MACROH2A1: variants seen among roughly 807,000 people sequenced by gnomAD.
The protein encoded by MACROH2A1 is core histone macro-H2A.1.
A neutral mutation model predicts 31.6 loss-of-function variants in MACROH2A1; 2 were observed. The observed-to-expected ratio is 0.06, with a 90% confidence interval of 0.03 to 0.20. The LOEUF (loss-of-function observed/expected upper bound fraction) is 0.20. MACROH2A1 is among the 10% of genes least tolerant of loss of function. The pLI, the probability that MACROH2A1 is intolerant of heterozygous loss-of-function variation, is 1.00. For missense variants in MACROH2A1, 230 were observed against 474.0 expected, an observed-to-expected ratio of 0.49 and a Z score of 4.78; for synonymous variants, 169 against 189.6, an observed-to-expected ratio of 0.89 and a Z score of 0.89.
At chr5:135,379,609 A>C (rs940958641) in intron 2 of MACROH2A1, among the ~76,000 whole-genome samples, 1 of 152,168 alleles carries the variant, frequency 6.6e-6, no homozygotes, top group African/African-American at 2.4e-5. Context: ...TTGACTAGAC[A>C]TAGAAGCCTT....
At chr5:135,376,528 G>A (rs1022676347) in intron 2 of MACROH2A1, among the ~76,000 whole-genome samples, 3 of 152,170 alleles carry the variant, frequency 2.0e-5, no homozygotes, top group African/African-American at 7.2e-5. Context: ...GTTTTCCTCT[G>A]CCTTCCTCAC....
chr5:135,337,966 A>C, intron 8 of MACROH2A1: 9 of 1,215,564 alleles, frequency 7.4e-6, no homozygotes, highest in Non-Finnish European at 9.5e-6. Context: ...CTGCTATGGG[A>C]CTGTGGCTGC....
At chr5:135,341,717 C>T (rs563409731) in intron 8 of MACROH2A1, among the ~76,000 whole-genome samples, 5 of 152,352 alleles carry the variant, frequency 3.3e-5, no homozygotes, top group South Asian at 4.1e-4. Context: ...GGCAAAATCA[C>T]GAGGCCTGCC....
chr5:135,335,196 C>A, intron 8 of MACROH2A1, 55 bp from the exon 9 acceptor site: 2 of 1,371,798 alleles, frequency 1.5e-6, no homozygotes, highest in Non-Finnish European at 2.1e-6. Flanking sequence ...GGCTGCAGGA[C>A]CTGCCCCACC....
At chr5:135,399,739 T>TA (rs1048526420), upstream of MACROH2A1, 3 of 152,282 alleles carry the variant, frequency 2.0e-5, no homozygotes, top group African/African-American at 7.2e-5. This position sits in a 1 kb window ranked among gnomAD's most constrained non-coding sequence, Gnocchi z 4.5. Flanking sequence ...CAAGATCAAT[T>TA]ACTGCGCACC....
intron 2 of MACROH2A1, among the ~76,000 whole-genome samples, chr5:135,381,518 G>C (rs1765647028): frequency 6.6e-6 from 1 of 152,216 alleles, no homozygotes; most frequent in Non-Finnish European, 1.5e-5. Flanking sequence ...AGGAGGCTGA[G>C]GTGGGAGGCT....
At chr5:135,342,656 G>A (rs1446972941) in intron 8 of MACROH2A1, among the ~76,000 whole-genome samples, 1 of 152,176 alleles carries the variant, frequency 6.6e-6, no homozygotes, top group Admixed American at 6.5e-5. Flanking sequence ...AAGTGGAGTA[G>A]GGCCCAGCCC....
intron 5 of MACROH2A1, chr5:135,358,903 C>T: frequency 1.0e-6 from 1 of 985,372 alleles, no homozygotes; most frequent in Non-Finnish European, 1.2e-6. Context: ...TGACATGTTC[C>T]TGGCTCTTGG....
intron 8 of MACROH2A1, 116 bp downstream of exon 8, chr5:135,343,143 TC>T (rs1760196812): frequency 6.3e-7 from 1 of 1,588,446 alleles, no homozygotes; most frequent in African/African-American, 1.3e-5. Flanking sequence ...GCTTCTGGTC[TC>T]CTTGGTTAAG....
At chr5:135,389,174 T>C in intron 1 of MACROH2A1, 48 bp from the exon 2 acceptor site, 3 of 1,429,776 alleles carry the variant, frequency 2.1e-6, no homozygotes, top group South Asian at 2.6e-5. Context: ...GGACAGCACA[T>C]GTCCCCTTTC....
chr5:135,361,051 T>A, intron 4 of MACROH2A1: 1 of 292,494 alleles, frequency 3.4e-6, no homozygotes, highest in Non-Finnish European at 6.6e-6. Context: ...CCTTCCTGAC[T>A]CCAGAAGGTC....
chr5:135,346,614 G>A (rs1760875479), intron 6 of MACROH2A1: 1 of 152,428 alleles, frequency 6.6e-6, no homozygotes, highest in African/African-American at 2.4e-5. Flanking sequence ...CAGCTTTGGT[G>A]TCATATGCAA....
At chr5:135,386,483 T>C (rs1400587900) in intron 2 of MACROH2A1, among the ~76,000 whole-genome samples, 1 of 152,244 alleles carries the variant, frequency 6.6e-6, no homozygotes, top group East Asian at 1.9e-4. Flanking sequence ...TTATTTAATA[T>C]ACAAGAGCTG....
At chr5:135,357,671 A>G (rs1361869920) in intron 5 of MACROH2A1, 1 of 941,440 alleles carries the variant, frequency 1.1e-6, no homozygotes, top group East Asian at 1.2e-4. Flanking sequence ...AAAACCTCTG[A>G]AAAAAGGCTG....
At chr5:135,357,792 G>A in intron 5 of MACROH2A1, 1 of 982,392 alleles carries the variant, frequency 1.0e-6, no homozygotes, top group Non-Finnish European at 1.2e-6. Flanking sequence ...CAAAATCAGA[G>A]AGTAATGGCT....
intron 2 of MACROH2A1, among the ~76,000 whole-genome samples, chr5:135,381,885 A>G (rs1403600007): frequency 6.6e-6 from 1 of 152,246 alleles, no homozygotes. Flanking sequence ...TCTGTGTTCC[A>G]TAAGAAGTGA....
intron 2 of MACROH2A1, among the ~76,000 whole-genome samples, chr5:135,384,664 G>A (rs527806540): frequency 6.6e-6 from 1 of 152,252 alleles, no homozygotes; most frequent in African/African-American, 2.4e-5. Context: ...CAAGATTACT[G>A]GAGACTCCCT....
rs1484095009 is a variant in MACROH2A1 at position 135,398,662 on chromosome 5, G to A, written c.-34+400C>T. On this transcript the variant is annotated intron_variant, in intron 1 of 8. Coordinates refer to ENST00000511689, the MANE Select transcript of MACROH2A1 (RefSeq NM_138610.3). The surrounding 1 kb of genome is among the most constrained non-coding windows in gnomAD (Gnocchi z 4.6). Reference sequence around the variant, plus strand: ...ACAACTCTGCTCACAGCAGCTCCCGGGTGCCCAGGCCCAGACTGCCTAGCC... The same window carrying A: ...ACAACTCTGCTCACAGCAGCTCCCGAGTGCCCAGGCCCAGACTGCCTAGCC... Among the ~76,000 whole-genome samples, 1 of 152,184 alleles carries A rather than the reference G, an allele frequency of 6.6e-6. No homozygotes were observed. Among genetic ancestry groups the A allele is most frequent in the Non-Finnish European group, 1.5e-5 (1 of 68,020 alleles).
rs1242167783 is a variant in MACROH2A1, at chr5:135,398,407, C to CG, written c.-34+654dup. Among the ~76,000 whole-genome samples the CG allele has an allele frequency of 6.6e-6, 1 of 152,238 alleles. No homozygotes were observed. Among genetic ancestry groups the CG allele is most frequent in the Non-Finnish European group, 1.5e-5 (1 of 68,034 alleles). On this transcript the variant is annotated intron_variant, in intron 1 of 8. Transcript: ENST00000511689. The surrounding 1 kb of genome is among the most constrained non-coding windows in gnomAD (Gnocchi z 4.6). ...CACAAAGCAAACAAAAGGCTGATAC[C>CG]GAGACAATCGGGAGCAGCGGGGGTT...
Sources: gnomAD v4.1 joint callset for allele counts (sites outside exome capture counted in the v4.1 genomes callset) on GRCh38, gnomAD v4.1.1 for gene constraint, Gnocchi (gnomAD v3.1) non-coding constraint, MANE v1.5 for transcripts, NCBI Gene and HGNC (gene_info 2026-07-23, HGNC 2026-07-21) for gene names.